Variants in ADIRF observed in about 807,000 individuals in gnomAD.
ADIRF encodes the protein adipogenesis regulatory factor, also known as adipogenesis factor rich in obesity.
A neutral mutation model predicts 7.8 loss-of-function variants in ADIRF; 9 were observed. The observed-to-expected ratio is 1.15, with a 90% CI of 0.70 to 2.01. The LOEUF is 2.01. ADIRF is among the 30% of genes most tolerant of loss of function. ADIRF has a pLI of 0.00. For missense variants in ADIRF, 106 were observed against 98.1 expected (o/e 1.08, Z -0.34); for synonymous variants, 48 against 39.9 (o/e 1.20, Z -0.77).
At chr10:86,968,673 G>T (rs949827004) in intron 1 of ADIRF, 68 bp downstream of exon 1, 8 of 1,545,124 alleles carry the variant, frequency 5.2e-6, no homozygotes, top group Non-Finnish European at 7.0e-6. Flanking sequence ...AGAAGCAGCG[G>T]GTCGGCGCGG....
chr10:86,970,569 G>A lies in ADIRF; in HGVS notation c.218G>A (p.Gly73Asp), dbSNP rs1666280625. Residue 73 changes from glycine to aspartate, a missense_variant, in exon 3 of 3, where the codon GGC becomes GAC. Gly to Asp is a moderately conservative substitution (Grantham distance 94, BLOSUM62 -1). Transcript: ENST00000372013. ...TTCTCTGGGATTGGGAAAAAATTCG[G>A]CCTCCTGAAATGACAGCAGGGAGAC... is the stretch of plus-strand genomic sequence containing the variant. Reference protein sequence around the residue: ...DTFSGIGKKFGLLK With the variant: ...DTFSGIGKKFDLLK The A allele has an allele frequency of 1.9e-6, 3 of 1,610,078 alleles. No homozygotes were observed. The highest frequency in any genetic ancestry group is 2.5e-6 in the Non-Finnish European group (3 of 1,177,518).
At chr10:86,968,768 G>A (rs2133707115) in intron 1 of ADIRF, 163 bp downstream of exon 1, 1 of 726,180 alleles carries the variant, frequency 1.4e-6, no homozygotes, top group Non-Finnish European at 2.2e-6. Context: ...GCCCACCCCG[G>A]CGAGCAGACA....
chr10:86,970,495 G>A lies in ADIRF; in HGVS notation c.144G>A (p.Lys48=), dbSNP rs1844573515. ...CCCCAGCCATGGACCAGCTGGCCAA[G>A]ACCACCCAGGAAACCATCGACAAGA... ...AGQKAMDQLA[K]TTQETIDKTA... Residue 48 remains lysine (K), a synonymous_variant, in exon 3 of 3, where the codon AAG becomes AAA. Coordinates refer to ENST00000372013, the MANE Select transcript of ADIRF (RefSeq NM_006829.3). 1 of 1,613,344 alleles carries A rather than the reference G, an allele frequency of 6.2e-7. No homozygotes were observed.
Position 86,970,641 on chromosome 10 carries a change from C to A in ADIRF, c.*59C>A. On this transcript the variant is annotated 3_prime_UTR_variant, in exon 3 of 3. Transcript: ENST00000372013. Reference sequence around the variant, plus strand: ...ACAGCAGGGAGACTTGGGTGACCCCCCTTCCAGGCGCCATCTAGCACAGCC... The same window carrying A: ...ACAGCAGGGAGACTTGGGTGACCCCACTTCCAGGCGCCATCTAGCACAGCC... 3.5e-6 allele frequency: 5 copies of A among 1,420,036 alleles called. No homozygotes were observed. Among genetic ancestry groups the A allele is most frequent in the Non-Finnish European group, 4.9e-6 (5 of 1,023,326 alleles). The allele number at this position is 1,420,036 out of a possible 1,614,324, so 88.0% of individuals were successfully genotyped here. A position where few individuals can be genotyped will look rare whatever the true frequency, so the allele number is the denominator to read the frequency against.
In ADIRF at chr10:86,970,630, T is replaced by C. The variant is rs1844579657; in HGVS notation, c.*48T>C. ...CTCCTGAAATGACAGCAGGGAGACT[T>C]GGGTGACCCCCCTTCCAGGCGCCAT... On this transcript the variant is annotated 3_prime_UTR_variant, in exon 3 of 3. Coordinates refer to ENST00000372013, the MANE Select transcript of ADIRF (RefSeq NM_006829.3). 2 of 1,492,452 alleles carry C rather than the reference T, an allele frequency of 1.3e-6. No homozygotes were observed. The highest frequency in any genetic ancestry group is 2.4e-5 in the South Asian group (2 of 84,200). 92.5% of individuals were successfully genotyped at this position (1,492,452 alleles called of 1,614,324 possible).
At chr10:86,970,344 C>A in intron 2 of ADIRF, 82 bp downstream of exon 2, 1 of 1,511,692 alleles carries the variant, frequency 6.6e-7, no homozygotes, top group Non-Finnish European at 9.0e-7. Flanking sequence ...CCAGGCACAT[C>A]CTCTCCTCTG....
At chr10:86,968,704 C>T (rs1004363263) in intron 1 of ADIRF, 99 bp downstream of exon 1, 2 of 1,406,638 alleles carry the variant, frequency 1.4e-6, no homozygotes, top group Non-Finnish European at 1.9e-6. Flanking sequence ...CCTGGACCGG[C>T]AGCTTGGCTC....
intron 1 of ADIRF, 195 bp downstream of exon 1, chr10:86,968,800 G>A (rs1844520500): frequency 3.4e-6 from 2 of 590,040 alleles, no homozygotes; most frequent in South Asian, 2.3e-5. Flanking sequence ...CAGGGAGGCA[G>A]CGGAACAGAG....
At chr10:86,969,853 T>C in intron 1 of ADIRF, 1 of 188,614 alleles carries the variant, frequency 5.3e-6, no homozygotes, top group Non-Finnish European at 1.1e-5. Flanking sequence ...TTCTGCGCCA[T>C]CACCAGCATT....
intron 1 of ADIRF, chr10:86,969,191 G>A (rs1340526693): frequency 2.0e-5 from 3 of 152,802 alleles, no homozygotes; most frequent in African/African-American, 7.2e-5. Flanking sequence ...CCCAGGCTTC[G>A]TTAGGACTCC....
chr10:86,970,556 G>A lies in ADIRF; in HGVS notation c.205G>A (p.Gly69Arg), dbSNP rs376853320. 4.3e-6 allele frequency: 7 copies of A among 1,612,832 alleles called. No homozygotes were observed. The highest frequency in any genetic ancestry group is 1.6e-4 in the Middle Eastern group (1 of 6,084). ...NQASDTFSGI[G>R]KKFGLLK ...GGCCTCTGACACCTTCTCTGGGATT[G>A]GGAAAAAATTCGGCCTCCTGAAATG... Residue 69 changes from glycine to arginine, a missense_variant, in exon 3 of 3, where the codon GGG (glycine) becomes AGG (arginine). Gly to Arg is a moderately radical substitution (Grantham distance 125). Transcript: ENST00000372013.
Position 86,970,636 on chromosome 10 carries a change from A to AC in ADIRF, c.*60dup, listed in dbSNP as rs754022420. Reference sequence around the variant, plus strand: ...AAATGACAGCAGGGAGACTTGGGTGACCCCCCTTCCAGGCGCCATCTAGCA... The same window carrying AC: ...AAATGACAGCAGGGAGACTTGGGTGACCCCCCCTTCCAGGCGCCATCTAGCA... On this transcript the variant is annotated 3_prime_UTR_variant, in exon 3 of 3. Transcript: ENST00000372013. 1.1e-4 allele frequency: 158 copies of AC among 1,464,148 alleles called. 1 individual carries two copies. The highest frequency in any genetic ancestry group is 1.3e-4 in the Non-Finnish European group (142 of 1,063,174). The allele number at this position is 1,464,148 out of a possible 1,614,324, so 90.7% of individuals were successfully genotyped here. A position where few individuals can be genotyped will look rare whatever the true frequency, so the allele number is the denominator to read the frequency against.
At position 86,970,271 on chromosome 10, in the gene ADIRF, G is replaced by C; in HGVS notation, c.124+9G>C. On this transcript the variant is annotated intron_variant, in intron 2 of 2. Coordinates refer to ENST00000372013, the MANE Select transcript of ADIRF (RefSeq NM_006829.3). ...AGAGGCGGGGCAGAAAGGTCTGGTGGGGCTGGAGGGAGGCGGGCAACCCCA... is the reference window on the plus strand; with the variant it reads ...AGAGGCGGGGCAGAAAGGTCTGGTGCGGCTGGAGGGAGGCGGGCAACCCCA... The C allele has an allele frequency of 6.8e-7, 1 of 1,469,756 alleles. No individual in the cohort carries two copies. The highest frequency in any genetic ancestry group is 9.0e-7 in the Non-Finnish European group (1 of 1,107,614). The allele number at this position is 1,469,756 out of a possible 1,614,324, so 91.0% of individuals were successfully genotyped here.
intron 1 of ADIRF, chr10:86,968,894 G>C: frequency 2.4e-6 from 1 of 421,822 alleles, no homozygotes; most frequent in Non-Finnish European, 4.2e-6. Context: ...GCCCGCCCAG[G>C]CCCTCAGGAG....
chr10:86,970,595 T>G lies in ADIRF; in HGVS notation c.*13T>G. 6.3e-7 allele frequency: 1 copy of G among 1,593,980 alleles called. No homozygotes were observed. The highest frequency in any genetic ancestry group is 1.1e-5 in the South Asian group (1 of 88,920). On this transcript the variant is annotated 3_prime_UTR_variant, in exon 3 of 3. Coordinates refer to ENST00000372013, the MANE Select transcript of ADIRF (RefSeq NM_006829.3). ...CCTCCTGAAATGACAGCAGGGAGAC[T>G]TGGGTCGGCCTCCTGAAATGACAGC... is the stretch of plus-strand genomic sequence containing the variant.
intron 1 of ADIRF, 39 bp from the exon 2 acceptor site, chr10:86,970,161 G>A (rs748788254): frequency 9.0e-5 from 129 of 1,426,840 alleles, no homozygotes; most frequent in Non-Finnish European, 1.2e-4. Flanking sequence ...AGTCGGTGGT[G>A]CCTCAACAGG....
At position 86,970,652 on chromosome 10, in the gene ADIRF, C is replaced by A; in HGVS notation, c.*70C>A. On this transcript the variant is annotated 3_prime_UTR_variant, in exon 3 of 3. Coordinates refer to ENST00000372013, the MANE Select transcript of ADIRF (RefSeq NM_006829.3). Reference sequence around the variant, plus strand: ...ACTTGGGTGACCCCCCTTCCAGGCGCCATCTAGCACAGCCTGGCCCTGATC... The same window carrying A: ...ACTTGGGTGACCCCCCTTCCAGGCGACATCTAGCACAGCCTGGCCCTGATC... 7.8e-7 allele frequency: 1 copy of A among 1,289,582 alleles called. No homozygotes were observed. Among genetic ancestry groups the A allele is most frequent in the Admixed American group, 2.0e-5 (1 of 51,034 alleles). 79.9% of individuals were successfully genotyped at this position (1,289,582 alleles called of 1,614,324 possible). A position where few individuals can be genotyped will look rare whatever the true frequency, so the allele number is the denominator to read the frequency against.
At chr10:86,968,906 G>C in intron 1 of ADIRF, 1 of 402,570 alleles carries the variant, frequency 2.5e-6, no homozygotes, top group Non-Finnish European at 4.4e-6. Flanking sequence ...CCTCAGGAGA[G>C]GGTGAAGGTC....
intron 2 of ADIRF, 93 bp from the exon 3 acceptor site, chr10:86,970,383 C>A: frequency 6.6e-7 from 1 of 1,506,526 alleles, no homozygotes; most frequent in Non-Finnish European, 9.0e-7. Context: ...ATGCCCCAAG[C>A]AGGTCCCCCG....
Sources: gnomAD v4.1 joint callset for allele counts on GRCh38, gnomAD v4.1.1 for gene constraint, MANE v1.5 for transcripts, NCBI Gene and HGNC (gene_info 2026-07-23, HGNC 2026-07-21) for gene names.